Variants in PTPRN2 observed in about 807,000 individuals in gnomAD.
PTPRN2 encodes the protein protein tyrosine phosphatase receptor type N2, also known as receptor-type tyrosine-protein phosphatase N2.
Under a neutral mutation model 118.8 loss-of-function variants are expected in PTPRN2, and 74 were observed. The ratio of observed to expected loss-of-function variants is 0.62; its 90% confidence interval spans 0.52 to 0.76. PTPRN2 has a LOEUF of 0.76. PTPRN2 is among the 30% of genes least tolerant of loss of function. The pLI is 0.00. For synonymous variants in PTPRN2, 641 were observed against 608.0 expected (o/e 1.05, Z -0.80); for missense variants, 1,481 against 1,394.4 (o/e 1.06, Z -0.99).
At chr7:158,164,199 G>A (rs553547477) in intron 6 of PTPRN2, among the ~76,000 whole-genome samples, 1 of 152,346 alleles carries the variant, frequency 6.6e-6, no homozygotes, top group African/African-American at 2.4e-5. Flanking sequence ...CGGTGCATAA[G>A]AAAGGCACAC....
In PTPRN2 at chr7:158,257,236, G is replaced by A. The variant is rs780200557; in HGVS notation, c.278-51963C>T. Among the ~76,000 whole-genome samples, 13 of 152,316 alleles carry A rather than the reference G, an allele frequency of 8.5e-5. 1 individual carries two copies. Among genetic ancestry groups the A allele is most frequent in the Admixed American group, 5.9e-4 (9 of 15,296 alleles). On this transcript the variant is annotated intron_variant, in intron 3 of 22. Coordinates refer to ENST00000389418, the MANE Select transcript of PTPRN2 (RefSeq NM_002847.5). Reference sequence around the variant, plus strand: ...ACCCGGGCACACGGCTGCTCAGGACGCAGTCAGACGCGGAACCCGACCCCT... The same window carrying A: ...ACCCGGGCACACGGCTGCTCAGGACACAGTCAGACGCGGAACCCGACCCCT...
chr7:157,856,365 G>A (rs765551937), intron 12 of PTPRN2, among the ~76,000 whole-genome samples: 4 of 152,030 alleles, frequency 2.6e-5, no homozygotes, highest in African/African-American at 7.3e-5. Context: ...TTTTGTTTTC[G>A]CTTTTCAAGC....
rs115622862 is a variant in PTPRN2 at position 157,671,445 on chromosome 7, G to T, written c.2001+11280C>A. ...TGTTCGGGATGGGACGGGCCACCCC[G>T]GGCTGAGATGGAAGCTCAGGGGACG... is the stretch of plus-strand genomic sequence containing the variant. On this transcript the variant is annotated intron_variant, in intron 13 of 22. Coordinates refer to ENST00000389418, the MANE Select transcript of PTPRN2 (RefSeq NM_002847.5). The surrounding 1 kb of genome is among the most constrained non-coding windows in gnomAD (Gnocchi z 4.1). 5.3e-5 allele frequency among the ~76,000 whole-genome samples: 8 copies of T among 152,256 alleles called. No individual in the cohort carries two copies. The South Asian group carries it at 1.2e-3, about 24-fold the overall frequency.
At position 157,590,975 on chromosome 7, in the gene PTPRN2, A is replaced by C. The variant is rs1163420533; in HGVS notation, c.2496+4263T>G. 1.3e-5 allele frequency among the ~76,000 whole-genome samples: 2 copies of C among 152,020 alleles called. No homozygotes were observed. The highest frequency in any genetic ancestry group is 2.9e-5 in the Non-Finnish European group (2 of 67,992). On this transcript the variant is annotated intron_variant, in intron 17 of 22. Coordinates refer to ENST00000389418, the MANE Select transcript of PTPRN2 (RefSeq NM_002847.5). This position sits in a 1 kb window ranked among gnomAD's most constrained non-coding sequence, Gnocchi z 4.0. The stretch of plus-strand genomic sequence containing the variant: ...GGTAGAATCATGTACCCCCAAATCC[A>C]TGTCCACCTGGAACCCATGAATGTG...
intron 14 of PTPRN2, among the ~76,000 whole-genome samples, chr7:157,654,892 G>T (rs1805968363): frequency 6.6e-6 from 1 of 152,240 alleles, no homozygotes; most frequent in Admixed American, 6.5e-5. Flanking sequence ...GTCTTTGGCT[G>T]ATGGGTTTGG....
At chr7:158,514,330 C>A (rs80173312) in intron 1 of PTPRN2, among the ~76,000 whole-genome samples, 1 of 152,114 alleles carries the variant, frequency 6.6e-6, no homozygotes, top group Non-Finnish European at 1.5e-5. Flanking sequence ...GAGGGAGTGA[C>A]GGAGAATGCA....
At chr7:157,771,935 G>T (rs1030591234) in intron 12 of PTPRN2, among the ~76,000 whole-genome samples, 11 of 126,388 alleles carry the variant, frequency 8.7e-5, no homozygotes, top group African/African-American at 3.6e-4. Flanking sequence ...GACACACACA[G>T]ACACATACAA....
chr7:157,655,069 CTCCACGAGCTGTCTGCTCCCGGGTGTG>C (rs1563308596), intron 14 of PTPRN2, among the ~76,000 whole-genome samples: 1 of 152,270 alleles, frequency 6.6e-6, no homozygotes, highest in Admixed American at 6.5e-5. Context: ...GCCGAGTGAA[CTCCACGAGCTGTCTGCTCCCGGGTGTG>C]AACACCTCGG....
rs1290111479 is a variant in PTPRN2 at position 158,022,295 on chromosome 7, G to A, written c.1723+59003C>T. Among the ~76,000 whole-genome samples, 2 of 152,194 alleles carry A rather than the reference G, an allele frequency of 1.3e-5. No homozygotes were observed. The highest frequency in any genetic ancestry group is 3.8e-4 in the East Asian group (2 of 5,196). ...CTCCGTTTCCTACACGGTTCCGAGC[G>A]TTTTCCATCCTTCCTGACGGCCTCC... On this transcript the variant is annotated intron_variant, in intron 11 of 22. Transcript: ENST00000389418. The surrounding 1 kb of genome is among the most constrained non-coding windows in gnomAD (Gnocchi z 4.6).
chr7:158,159,380 G>A (rs767648681), intron 6 of PTPRN2, among the ~76,000 whole-genome samples: 6 of 152,192 alleles, frequency 3.9e-5, no homozygotes, highest in Non-Finnish European at 8.8e-5. Context: ...GTGGAGACCC[G>A]TGATTACCTT....
chr7:157,819,681 G>A (rs976983735), intron 12 of PTPRN2, among the ~76,000 whole-genome samples: 10 of 152,058 alleles, frequency 6.6e-5, no homozygotes, highest in African/African-American at 1.7e-4. Context: ...TCAGGGGAGC[G>A]TGCTGGATGG....
chr7:157,980,567 A>G (rs570039238), intron 11 of PTPRN2, among the ~76,000 whole-genome samples: 18 of 152,294 alleles, frequency 1.2e-4, no homozygotes, highest in Middle Eastern at 3.4e-3. Context: ...CCTGGCCAAC[A>G]TGGCAAAACC....
At chr7:157,963,522 T>C (rs368475043) in intron 11 of PTPRN2, among the ~76,000 whole-genome samples, 21 of 152,392 alleles carry the variant, frequency 1.4e-4, no homozygotes, top group African/African-American at 4.6e-4. Flanking sequence ...ATCAGTTCAG[T>C]TGCTAACCAG....
At chr7:158,171,123 TATACAC>T (rs1823546808) in intron 5 of PTPRN2, among the ~76,000 whole-genome samples, 2 of 97,554 alleles carry the variant, frequency 2.1e-5, no homozygotes, top group Admixed American at 2.6e-4. Context: ...TACACACATA[TATACAC>T]ATATATACAC....
At chr7:157,976,182 A>G (rs995390448) in intron 11 of PTPRN2, among the ~76,000 whole-genome samples, 10 of 152,256 alleles carry the variant, frequency 6.6e-5, no homozygotes, top group South Asian at 2.1e-4. Flanking sequence ...GCTGGTTCCC[A>G]TCGCGTTATC....
chr7:157,730,047 T>A (rs1447830242), intron 12 of PTPRN2, among the ~76,000 whole-genome samples: 1 of 152,174 alleles, frequency 6.6e-6, no homozygotes, highest in Non-Finnish European at 1.5e-5. Context: ...AGAAAATGAT[T>A]TTTATACAAT....
At chr7:157,579,314 T>C (rs958459416) in intron 17 of PTPRN2, among the ~76,000 whole-genome samples, 3 of 152,194 alleles carry the variant, frequency 2.0e-5, no homozygotes, top group Non-Finnish European at 4.4e-5. Flanking sequence ...AGAATTATGC[T>C]CAAATTTGTG....
intron 10 of PTPRN2, among the ~76,000 whole-genome samples, chr7:158,090,196 A>G (rs112047721): frequency 0.02 from 2,943 of 149,834 alleles, 218 homozygotes; most frequent in African/African-American, 0.064. Flanking sequence ...TCCCCTGATG[A>G]AAGAGGGAGT....
intron 6 of PTPRN2, among the ~76,000 whole-genome samples, chr7:158,149,881 G>A (rs770914545): frequency 6.6e-6 from 1 of 150,956 alleles, no homozygotes; most frequent in African/African-American, 2.4e-5. Context: ...TGGGATCTAA[G>A]TTATGCTGAA....
Sources: allele counts gnomAD v4.1 joint callset (sites outside exome capture counted in the v4.1 genomes callset), GRCh38; gene constraint gnomAD v4.1.1; non-coding constraint Gnocchi (gnomAD v3.1); transcripts MANE v1.5; gene names NCBI Gene and HGNC (gene_info 2026-07-23, HGNC 2026-07-21).